SERINC1: variants seen among roughly 807,000 people sequenced by gnomAD.
SERINC1 encodes the protein tumor differentially expressed protein 2.
SERINC1 carries 38 observed loss-of-function variants against 52.9 expected under a neutral mutation model. The ratio of observed to expected loss-of-function variants is 0.72; its 90% CI spans 0.55 to 0.94. The LOEUF (loss-of-function observed/expected upper bound fraction) is 0.94. Among genes scored for constraint, SERINC1 ranks in the 40% least tolerant of loss-of-function variants. The pLI, the probability that SERINC1 is intolerant of heterozygous loss-of-function variation, is 0.00. For synonymous variants in SERINC1, 198 were observed against 183.1 expected (o/e 1.08, Z -0.66); for missense variants, 471 against 533.9 (o/e 0.88, Z 1.16).
intron 7 of SERINC1, among the ~76,000 whole-genome samples, chr6:122,448,789 T>C (rs1227785765): frequency 1.3e-3 from 11 of 8,342 alleles, no homozygotes; most frequent in Admixed American, 3.1e-3. Flanking sequence ...GCTTTGCCTA[T>C]TTTTTTTTTT....
Position 122,453,757 on chromosome 6 carries a change from G to C in SERINC1, c.589+13C>G, listed in dbSNP as rs764909566. ...TTCAACTATACTGAAGTTGTTCTGC[G>C]ACGAAAGCTTACCTGCATACCAACA... On this transcript the variant is annotated intron_variant, in intron 5 of 9. Transcript: ENST00000339697. 6.3e-7 allele frequency: 1 copy of C among 1,583,866 alleles called. No individual in the cohort carries two copies. Among genetic ancestry groups the C allele is most frequent in the African/African-American group, 1.3e-5 (1 of 74,164 alleles).
At chr6:122,464,681 C>A (rs1485741859) in intron 1 of SERINC1, among the ~76,000 whole-genome samples, 3 of 152,102 alleles carry the variant, frequency 2.0e-5, no homozygotes, top group African/African-American at 7.2e-5. Flanking sequence ...GATTCCGGCA[C>A]CAATAAATCC....
intron 9 of SERINC1, among the ~76,000 whole-genome samples, chr6:122,446,448 T>A (rs1353681420): frequency 6.6e-6 from 1 of 152,078 alleles, no homozygotes; most frequent in Non-Finnish European, 1.5e-5. Context: ...GAAAAAAGGA[T>A]GTATCCTTTA....
Position 122,443,631 on chromosome 6 carries a change from A to C in SERINC1, c.*1413T>G, listed in dbSNP as rs527363681. 1.9e-4 allele frequency: 29 copies of C among 152,256 alleles called. No homozygotes were observed. The highest frequency in any genetic ancestry group is 7.0e-4 in the African/African-American group (29 of 41,514). The allele number at this position is 152,256 out of a possible 1,614,324, so 9.4% of individuals were successfully genotyped here. A position where few individuals can be genotyped will look rare whatever the true frequency, so the allele number is the denominator to read the frequency against. The stretch of plus-strand genomic sequence containing the variant: ...GGCAGTAAATACAAAAGCATTTTAA[A>C]CATCTTTTGAACTGTGTAGTATACT... On this transcript the variant is annotated 3_prime_UTR_variant, in exon 10 of 10. Coordinates refer to ENST00000339697, the MANE Select transcript of SERINC1 (RefSeq NM_020755.4).
rs1420855591 is a variant in SERINC1, at chr6:122,455,056, A to G, written c.372-826T>C. ...TTTGGTTGGGGACTGGTGCGTTTTC[A>G]GTTGTAAGGTTAGTTGTATGACCTT... is the stretch of plus-strand genomic sequence containing the variant. On this transcript the variant is annotated intron_variant, in intron 3 of 9. Transcript: ENST00000339697. Among the ~76,000 whole-genome samples, 5 of 152,098 alleles carry G rather than the reference A, an allele frequency of 3.3e-5. No individual in the cohort carries two copies. The East Asian group carries it at 7.7e-4, about 23-fold the overall frequency.
chr6:122,450,370 C>T (rs1282226587), intron 7 of SERINC1, among the ~76,000 whole-genome samples: 2 of 152,160 alleles, frequency 1.3e-5, no homozygotes, highest in South Asian at 2.1e-4. Flanking sequence ...TTGGGACTTA[C>T]TGCTAAAAGA....
intron 1 of SERINC1, among the ~76,000 whole-genome samples, chr6:122,469,580 G>A (rs1376241065): frequency 2.0e-5 from 3 of 149,526 alleles, no homozygotes; most frequent in Admixed American, 6.7e-5. Context: ...TTTCTGAGAT[G>A]GAGTCTTGCT....
At chr6:122,457,766 A>G (rs1188113254) in intron 2 of SERINC1, among the ~76,000 whole-genome samples, 1 of 151,040 alleles carries the variant, frequency 6.6e-6, no homozygotes, top group East Asian at 2.0e-4. Context: ...CCAGCCTATG[A>G]TATTCTTGTT....
At chr6:122,454,049 CA>C (rs1027687421) in intron 4 of SERINC1, 101 bp downstream of exon 4, 3,690 of 1,049,070 alleles carry the variant, frequency 3.5e-3, no homozygotes, top group South Asian at 6.1e-3. Flanking sequence ...CACACACACA[CA>C]CCCCCAAACA....
At chr6:122,468,308 G>T (rs1775220624) in intron 1 of SERINC1, among the ~76,000 whole-genome samples, 1 of 152,198 alleles carries the variant, frequency 6.6e-6, no homozygotes, top group Non-Finnish European at 1.5e-5. Flanking sequence ...GTTGTTGGGG[G>T]CTATCCTATA....
intron 1 of SERINC1, among the ~76,000 whole-genome samples, chr6:122,464,682 C>A (rs1209961376): frequency 6.6e-6 from 1 of 152,130 alleles, no homozygotes; most frequent in African/African-American, 2.4e-5. Context: ...ATTCCGGCAC[C>A]AATAAATCCT....
chr6:122,462,571 G>C (rs977673162), intron 1 of SERINC1, among the ~76,000 whole-genome samples: 2 of 152,024 alleles, frequency 1.3e-5, no homozygotes, highest in African/African-American at 2.4e-5. Flanking sequence ...TTCAATGATA[G>C]CGCCACTGCA....
chr6:122,452,206 C>A, intron 5 of SERINC1, 149 bp from the exon 6 acceptor site: 1 of 498,988 alleles, frequency 2.0e-6, no homozygotes. Flanking sequence ...GCTATAAAAG[C>A]AGGAAAGAAA....
At chr6:122,457,680 T>C (rs558764952) in intron 2 of SERINC1, among the ~76,000 whole-genome samples, 96 of 152,190 alleles carry the variant, frequency 6.3e-4, no homozygotes, top group Middle Eastern at 6.8e-3. Flanking sequence ...TCATCAGAAC[T>C]TGACCATGGT....
chr6:122,454,420 T>C (rs17084565), intron 3 of SERINC1, 190 bp from the exon 4 acceptor site: 2 of 517,414 alleles, frequency 3.9e-6, no homozygotes, highest in South Asian at 2.6e-5. Flanking sequence ...CATATTTAGA[T>C]AACATAGTTT....
chr6:122,466,363 C>T (rs1775192209), intron 1 of SERINC1, among the ~76,000 whole-genome samples: 1 of 152,070 alleles, frequency 6.6e-6, no homozygotes, highest in Non-Finnish European at 1.5e-5. Context: ...GTAGGCTTTA[C>T]TAGAGTGCAG....
Position 122,456,484 on chromosome 6 carries a change from T to G in SERINC1, c.368A>C (p.Asn123Thr). ...TGAAGCTTATTTAAAAACTTACCCA[T>G]TGTGCACTGCAGCTCTAGGATCACT... ...SSSDPRAAVH[N>T]GFWFFKFAAA... Residue 123 changes from asparagine (N) to threonine (T), a missense_variant, in exon 3 of 10, where the codon AAT becomes ACT. Asn to Thr is a moderately conservative substitution (Grantham distance 65). Transcript: ENST00000339697. The G allele has an allele frequency of 6.4e-7, 1 of 1,564,610 alleles. No individual in the cohort carries two copies. The highest frequency in any genetic ancestry group is 8.6e-7 in the Non-Finnish European group (1 of 1,159,422).
At chr6:122,454,456 C>T in intron 3 of SERINC1, 1 of 452,244 alleles carries the variant, frequency 2.2e-6, no homozygotes, top group Non-Finnish European at 4.0e-6. Context: ...TTAACCATTA[C>T]CATGAACCCA....
Position 122,456,467 on chromosome 6 carries a change from AT to A in SERINC1, c.371+13del. 1 of 1,481,756 alleles carries A rather than the reference AT, an allele frequency of 6.7e-7. No individual in the cohort carries two copies. Among genetic ancestry groups the A allele is most frequent in the Admixed American group, 2.4e-5 (1 of 41,722 alleles). The allele number at this position is 1,481,756 out of a possible 1,614,324, so 91.8% of individuals were successfully genotyped here. A position where few individuals can be genotyped will look rare whatever the true frequency, so the allele number is the denominator to read the frequency against. ...TACCCAAGCTTTTATATTGAAGCTT[AT>A]TTAAAAACTTACCCATTGTGCACTG... On this transcript the variant is annotated intron_variant, in intron 3 of 9. Coordinates refer to ENST00000339697, the MANE Select transcript of SERINC1 (RefSeq NM_020755.4).
Sources: allele counts gnomAD v4.1 joint callset (sites outside exome capture counted in the v4.1 genomes callset), GRCh38; gene constraint gnomAD v4.1.1; transcripts MANE v1.5; gene names NCBI Gene and HGNC (gene_info 2026-07-23, HGNC 2026-07-21).